The following SGCG variants were observed in gnomAD, a reference collection of about 807,000 sequenced individuals.
The protein encoded by SGCG is sarcoglycan gamma.
SGCG carries 26 observed loss-of-function variants against 29.3 expected under a neutral mutation model. The observed-to-expected ratio is 0.89, with a 90% CI of 0.65 to 1.23. The LOEUF (loss-of-function observed/expected upper bound fraction) is 1.23. Among genes scored for constraint, SGCG ranks in the 50% most tolerant of loss-of-function variants. SGCG has a pLI of 0.00. For synonymous variants in SGCG, 145 were observed against 129.7 expected (o/e 1.12, Z -0.80); for missense variants, 353 against 356.0 (o/e 0.99, Z 0.07).
chr13:23,220,118 G>A (rs1386786292), intron 2 of SGCG, among the ~76,000 whole-genome samples: 4 of 151,804 alleles, frequency 2.6e-5, no homozygotes, highest in African/African-American at 9.7e-5. Flanking sequence ...TGCAATTACA[G>A]GGCTGAGCTA....
chr13:23,200,060 A>G (rs546759670), intron 1 of SGCG, among the ~76,000 whole-genome samples: 4 of 152,362 alleles, frequency 2.6e-5, no homozygotes, highest in African/African-American at 7.2e-5. Flanking sequence ...TTAACTCATT[A>G]TAAAAAGTTG....
At chr13:23,320,597 C>CTTTT (rs67528585) in intron 6 of SGCG, 40 bp from the exon 7 acceptor site, 493 of 1,322,074 alleles carry the variant, frequency 3.7e-4, no homozygotes, top group African/African-American at 9.4e-4. Context: ...ATTTTTAATA[C>CTTTT]TTTTTTTTTT....
chr13:23,238,696 T>G (rs1353460302), intron 3 of SGCG, among the ~76,000 whole-genome samples: 2 of 152,132 alleles, frequency 1.3e-5, no homozygotes, highest in Non-Finnish European at 2.9e-5. Context: ...ATTTCATCTG[T>G]GCACAAAAGT....
In SGCG at chr13:23,290,518, G is replaced by A. The variant is rs9552911; in HGVS notation, c.506-4897G>A. 0.016 allele frequency among the ~76,000 whole-genome samples: 2,483 copies of A among 152,252 alleles called. 222 individuals carry two copies. In the East Asian group the frequency reaches 0.25, roughly 15 times the overall value. On this transcript the variant is annotated intron_variant, in intron 5 of 7. Coordinates refer to ENST00000218867, the MANE Select transcript of SGCG (RefSeq NM_000231.3). ...AAATTGTCATTGGATTTATTATTAC[G>A]GAAGTTATTGCTATCTTAAGGAGAG...
chr13:23,167,886 C>G, the SGCG span, among the ~76,000 whole-genome samples: 1 of 152,192 alleles, frequency 6.6e-6, no homozygotes, highest in South Asian at 2.1e-4. Context: ...CGCGTGCCAT[C>G]ACACCATACT....
At chr13:23,178,097 T>C (rs1021779344), upstream of SGCG, among the ~76,000 whole-genome samples, 1 of 152,150 alleles carries the variant, frequency 6.6e-6, no homozygotes, top group African/African-American at 2.4e-5. Context: ...TGAAGGGCTT[T>C]AGGCCAAGGA....
At chr13:23,185,511 A>G (rs374888015) in intron 1 of SGCG, among the ~76,000 whole-genome samples, 3 of 152,034 alleles carry the variant, frequency 2.0e-5, no homozygotes, top group Admixed American at 6.6e-5. Flanking sequence ...TTAAATTCCA[A>G]TTTTTCCAAC....
At chr13:23,265,254 A>T (rs946237211) in intron 4 of SGCG, among the ~76,000 whole-genome samples, 2 of 150,664 alleles carry the variant, frequency 1.3e-5, no homozygotes, top group African/African-American at 5.0e-5. Context: ...ACAGATCAGC[A>T]AGAAAAAAAA....
At chr13:23,260,468 C>T (rs188430087) in intron 4 of SGCG, among the ~76,000 whole-genome samples, 3 of 152,272 alleles carry the variant, frequency 2.0e-5, no homozygotes, top group South Asian at 2.1e-4. Context: ...CTCCTGAATA[C>T]AGCACACTGA....
At position 23,299,743 on chromosome 13, in the gene SGCG, T is replaced by C. The variant is rs888135615; in HGVS notation, c.578+4256T>C. Among the ~76,000 whole-genome samples, 58 of 152,094 alleles carry C rather than the reference T, an allele frequency of 3.8e-4. 1 individual carries two copies. Among genetic ancestry groups the C allele is most frequent in the Middle Eastern group, 3.4e-3 (1 of 294 alleles). The stretch of plus-strand genomic sequence containing the variant: ...CTGGGATTACAGGCGTTAGCCACCG[T>C]GCCCGGCCTTAGATTTACATTTCTT... On this transcript the variant is annotated intron_variant, in intron 6 of 7. Transcript: ENST00000218867.
chr13:23,226,752 G>A (rs939118661), intron 2 of SGCG, among the ~76,000 whole-genome samples: 23 of 152,182 alleles, frequency 1.5e-4, no homozygotes, highest in Admixed American at 1.4e-3. Context: ...GGGGCTGGGG[G>A]CAGGAGGAAA....
At chr13:23,225,728 A>G (rs1354730600) in intron 2 of SGCG, among the ~76,000 whole-genome samples, 5 of 151,590 alleles carry the variant, frequency 3.3e-5, no homozygotes, top group Non-Finnish European at 7.4e-5. Flanking sequence ...AGAGCCAGAT[A>G]TGCTCACTGC....
At chr13:23,321,991 C>T (rs1270310216) in intron 7 of SGCG, among the ~76,000 whole-genome samples, 1 of 152,016 alleles carries the variant, frequency 6.6e-6, no homozygotes, top group Non-Finnish European at 1.5e-5. Context: ...TAGAAGAAAA[C>T]CAAGGATTTG....
chr13:23,296,196 T>C (rs578066634), intron 6 of SGCG, among the ~76,000 whole-genome samples: 4 of 152,376 alleles, frequency 2.6e-5, no homozygotes, highest in Non-Finnish European at 5.9e-5. Context: ...CTACACTATC[T>C]GCAAACAAGG....
At chr13:23,203,606 G>C (rs1285466506) in intron 1 of SGCG, 89 bp from the exon 2 acceptor site, 1 of 881,056 alleles carries the variant, frequency 1.1e-6, no homozygotes, top group African/African-American at 1.7e-5. Flanking sequence ...ATGTTTTCAG[G>C]CTCATAGTAA....
At chr13:23,163,457 G>T in the SGCG span, among the ~76,000 whole-genome samples, 2 of 152,124 alleles carry the variant, frequency 1.3e-5, no homozygotes, top group African/African-American at 4.8e-5. Context: ...ATTTCAATTA[G>T]GTTAATACCT....
intron 7 of SGCG, among the ~76,000 whole-genome samples, chr13:23,323,959 T>A (rs1429720845): frequency 3.3e-5 from 5 of 152,174 alleles, no homozygotes; most frequent in Non-Finnish European, 7.4e-5. Context: ...AAGATAAATG[T>A]GAATCGGGAG....
chr13:23,253,072 G>GT (rs982085264), intron 4 of SGCG, among the ~76,000 whole-genome samples: 5 of 151,688 alleles, frequency 3.3e-5, no homozygotes, highest in Non-Finnish European at 7.4e-5. Flanking sequence ...TAAAGGTTTT[G>GT]TTTTGTTTAG....
intron 7 of SGCG, among the ~76,000 whole-genome samples, chr13:23,323,883 A>G (rs1325044253): frequency 6.6e-6 from 1 of 152,234 alleles, no homozygotes; most frequent in Non-Finnish European, 1.5e-5. Context: ...AGATGAATCT[A>G]TTCTAATGGA....
Sources: gnomAD v4.1 joint callset for allele counts (sites outside exome capture counted in the v4.1 genomes callset) on GRCh38, gnomAD v4.1.1 for gene constraint, MANE v1.5 for transcripts, NCBI Gene and HGNC (gene_info 2026-07-23, HGNC 2026-07-21) for gene names.